Variants in NUCKS1 observed in about 807,000 individuals in gnomAD.
NUCKS1 encodes nuclear casein kinase and cyclin dependent kinase substrate 1.
Under a neutral mutation model 33.0 loss-of-function variants are expected in NUCKS1, and 2 were observed. That is an observed-to-expected ratio of 0.06 (90% confidence interval 0.02 to 0.19). NUCKS1 has a LOEUF of 0.19. NUCKS1 is among the 10% of genes least tolerant of loss of function. The pLI, the probability that NUCKS1 is intolerant of heterozygous loss-of-function variation, is 1.00. For missense variants in NUCKS1, 201 were observed against 293.6 expected (o/e 0.68, Z 2.31); for synonymous variants, 106 against 102.8 (o/e 1.03, Z -0.19).
chr1:205,741,011 G>T (rs778498891), intron 1 of NUCKS1, among the ~76,000 whole-genome samples: 46 of 151,634 alleles, frequency 3.0e-4, no homozygotes, highest in Non-Finnish European at 5.2e-4. Flanking sequence ...TTCTTTTAAA[G>T]TCACACACGG....
chr1:205,736,812 CAG>C (rs1654045683), intron 1 of NUCKS1, among the ~76,000 whole-genome samples: 2 of 146,456 alleles, frequency 1.4e-5, no homozygotes, highest in Non-Finnish European at 3.0e-5. Context: ...GCCTGGGTGA[CAG>C]AGCAAAACTC....
At chr1:205,747,570 T>C (rs1654362886) in intron 1 of NUCKS1, among the ~76,000 whole-genome samples, 2 of 152,164 alleles carry the variant, frequency 1.3e-5, no homozygotes, top group African/African-American at 4.8e-5. Flanking sequence ...TAGGTTCATA[T>C]TAAAATAAAA....
chr1:205,737,667 A>T lies in NUCKS1; in HGVS notation c.18-8046T>A, dbSNP rs190279176. Among the ~76,000 whole-genome samples, 628 of 152,362 alleles carry T rather than the reference A, an allele frequency of 4.1e-3. 1 individual carries two copies. Among genetic ancestry groups the T allele is most frequent in the African/African-American group, 0.012 (493 of 41,586 alleles). Reference sequence around the variant, plus strand: ...AATTCTTTTGCTCTAATAAATTTTTAAAAAAGGAAATTAGTTCATTTAAAT... The same window carrying T: ...AATTCTTTTGCTCTAATAAATTTTTTAAAAAGGAAATTAGTTCATTTAAAT... On this transcript the variant is annotated intron_variant, in intron 1 of 6. Coordinates refer to ENST00000367142, the MANE Select transcript of NUCKS1 (RefSeq NM_022731.5).
chr1:205,749,861 C>A (rs74912342), intron 1 of NUCKS1, 96 bp downstream of exon 1: 3 of 1,346,340 alleles, frequency 2.2e-6, no homozygotes, highest in Non-Finnish European at 2.1e-6. Flanking sequence ...CGCGCGGCAC[C>A]GGGGATGGCG....
chr1:205,737,726 T>A (rs1385381798), intron 1 of NUCKS1, among the ~76,000 whole-genome samples: 1 of 152,260 alleles, frequency 6.6e-6, no homozygotes, highest in African/African-American at 2.4e-5. Flanking sequence ...AGTAAACACT[T>A]TTTGTTCAAA....
chr1:205,735,209 A>G (rs1287669780), intron 1 of NUCKS1, among the ~76,000 whole-genome samples: 4 of 152,210 alleles, frequency 2.6e-5, no homozygotes, highest in African/African-American at 9.6e-5. Context: ...TGGTCTCACA[A>G]GATTATTATA....
rs769161343 is a variant in NUCKS1 at position 205,720,652 on chromosome 1, C to T, written c.231G>A (p.Glu77=). The T allele has an allele frequency of 6.2e-6, 10 of 1,610,200 alleles. No homozygotes were observed. The South Asian group carries it at 8.8e-5, about 14-fold the overall frequency. ...GATCTTCTTTTTCATCTTCACTATC[C>T]TCTGCAATATCAGAATTACCATGAT... ...KTKKDDSHSA[E]DSEDEKEDHK... is the part of the protein sequence containing the mutation. Residue 77 remains glutamate (E), a splice_region_variant and synonymous_variant, in exon 5 of 7, where the codon GAG becomes GAA. Coordinates refer to ENST00000367142, the MANE Select transcript of NUCKS1 (RefSeq NM_022731.5).
chr1:205,749,192 G>A (rs536198133), intron 1 of NUCKS1, among the ~76,000 whole-genome samples: 1 of 152,332 alleles, frequency 6.6e-6, no homozygotes. Flanking sequence ...CCCTGAGTAC[G>A]GACATTTCCC....
intron 2 of NUCKS1, among the ~76,000 whole-genome samples, chr1:205,728,538 TACAA>T (rs2102436015): frequency 6.6e-6 from 1 of 152,304 alleles, no homozygotes; most frequent in Non-Finnish European, 1.5e-5. Flanking sequence ...AAATATTAAA[TACAA>T]ACATTTGAAA....
At chr1:205,745,293 T>C (rs894360133) in intron 1 of NUCKS1, among the ~76,000 whole-genome samples, 10 of 152,126 alleles carry the variant, frequency 6.6e-5, no homozygotes, top group African/African-American at 2.4e-4. Flanking sequence ...TACTTTTAAC[T>C]ATCTCTCTCA....
chr1:205,734,616 G>A (rs981734530), intron 1 of NUCKS1, among the ~76,000 whole-genome samples: 4 of 151,792 alleles, frequency 2.6e-5, no homozygotes, highest in Admixed American at 6.6e-5. Flanking sequence ...GGTTCAGGCC[G>A]GGCTTGGTGG....
intron 1 of NUCKS1, among the ~76,000 whole-genome samples, chr1:205,736,400 A>C (rs934921464): frequency 6.6e-6 from 1 of 152,174 alleles, no homozygotes; most frequent in African/African-American, 2.4e-5. Context: ...TGCTGAGAGT[A>C]TTATATGTAG....
At chr1:205,742,007 T>C (rs1654188789) in intron 1 of NUCKS1, among the ~76,000 whole-genome samples, 1 of 152,180 alleles carries the variant, frequency 6.6e-6, no homozygotes, top group South Asian at 2.1e-4. Flanking sequence ...AAGAGAGCAG[T>C]AGTCACTCAA....
At chr1:205,732,866 G>A (rs1295844565) in intron 1 of NUCKS1, among the ~76,000 whole-genome samples, 1 of 148,730 alleles carries the variant, frequency 6.7e-6, no homozygotes, top group Non-Finnish European at 1.5e-5. Context: ...TTAAAAATAT[G>A]ACTATGAAAA....
rs528023449 is a variant in NUCKS1 at position 205,727,837 on chromosome 1, T to C, written c.68-32A>G. On this transcript the variant is annotated intron_variant, in intron 2 of 6. Transcript: ENST00000367142. ...AGTGTTTTTCAAACTTAATTAACTA[T>C]GATTTTTACATGTTAAAATCACCAC... 2.4e-5 allele frequency: 34 copies of C among 1,404,574 alleles called. 1 individual carries two copies. The Admixed American group carries it at 3.7e-4, about 15-fold the overall frequency. 87.0% of individuals were successfully genotyped at this position (1,404,574 alleles called of 1,614,324 possible).
intron 1 of NUCKS1, among the ~76,000 whole-genome samples, chr1:205,738,121 G>A (rs2102443688): frequency 6.6e-6 from 1 of 152,148 alleles, no homozygotes; most frequent in Admixed American, 6.5e-5. Context: ...TACCTCCCGG[G>A]TTCAAGCAAT....
At chr1:205,721,662 G>A (rs1571570940) in intron 4 of NUCKS1, among the ~76,000 whole-genome samples, 1 of 151,962 alleles carries the variant, frequency 6.6e-6, no homozygotes, top group African/African-American at 2.4e-5. Context: ...AATTTAGAGG[G>A]GATTGTGGAA....
At chr1:205,730,411 T>C (rs988666250) in intron 1 of NUCKS1, among the ~76,000 whole-genome samples, 4 of 152,210 alleles carry the variant, frequency 2.6e-5, no homozygotes, top group South Asian at 4.1e-4. Context: ...TAAGAAAGCA[T>C]AGCATAAACC....
chr1:205,741,880 C>G (rs540718196), intron 1 of NUCKS1, among the ~76,000 whole-genome samples: 1 of 152,296 alleles, frequency 6.6e-6, no homozygotes, highest in East Asian at 1.9e-4. Context: ...AGCTAGTTCT[C>G]TGTGTCAAAA....
Sources: gnomAD v4.1 joint callset for allele counts (sites outside exome capture counted in the v4.1 genomes callset) on GRCh38, gnomAD v4.1.1 for gene constraint, MANE v1.5 for transcripts, NCBI Gene and HGNC (gene_info 2026-07-23, HGNC 2026-07-21) for gene names.